Variants in MACROD2 observed in about 807,000 individuals in gnomAD.
The protein encoded by MACROD2 is ADP-ribose glycohydrolase MACROD2.
MACROD2 carries 36 observed loss-of-function variants against 70.4 expected under a neutral mutation model. The ratio of observed to expected loss-of-function variants is 0.51; its 90% CI spans 0.39 to 0.68. MACROD2 has a LOEUF of 0.68. Ranked by LOEUF, MACROD2 falls within the 30% of genes least tolerant of loss-of-function variation. The pLI is 0.00. For synonymous variants in MACROD2, 172 were observed against 178.8 expected (o/e 0.96, Z 0.30); for missense variants, 496 against 538.4 (o/e 0.92, Z 0.78).
intron 2 of MACROD2, among the ~76,000 whole-genome samples, chr20:14,025,737 A>G (rs1219125542): frequency 6.6e-6 from 1 of 152,082 alleles, no homozygotes; most frequent in Non-Finnish European, 1.5e-5. Flanking sequence ...ATTCTTTTGC[A>G]TTTGCTGAGG....
intron 8 of MACROD2, among the ~76,000 whole-genome samples, chr20:15,548,438 C>T (rs2048053227): frequency 6.6e-6 from 1 of 152,094 alleles, no homozygotes; most frequent in South Asian, 2.1e-4. Context: ...TCTGTCACCC[C>T]AGGCTGGAGT....
At chr20:14,524,013 A>G (rs2085200188) in intron 4 of MACROD2, among the ~76,000 whole-genome samples, 1 of 152,224 alleles carries the variant, frequency 6.6e-6, no homozygotes, top group African/African-American at 2.4e-5. Flanking sequence ...ACATAAAACC[A>G]TGAACTCTAA....
At chr20:14,785,594 C>T (rs2072359959) in intron 5 of MACROD2, among the ~76,000 whole-genome samples, 1 of 152,022 alleles carries the variant, frequency 6.6e-6, no homozygotes, top group African/African-American at 2.4e-5. Context: ...GATGCCCCAG[C>T]CCAAACAATG....
chr20:14,889,744 C>A (rs2073729241), intron 5 of MACROD2, among the ~76,000 whole-genome samples: 1 of 152,048 alleles, frequency 6.6e-6, no homozygotes, highest in South Asian at 2.1e-4. Flanking sequence ...TTATGTAGGG[C>A]CTTGGAGGCA....
intron 3 of MACROD2, among the ~76,000 whole-genome samples, chr20:14,206,592 T>C (rs1340505665): frequency 6.6e-6 from 1 of 152,202 alleles, no homozygotes; most frequent in African/African-American, 2.4e-5. Flanking sequence ...TTGTTTGATA[T>C]GTTTGTTAAA....
At chr20:15,791,087 T>C (rs2063620730) in intron 8 of MACROD2, among the ~76,000 whole-genome samples, 1 of 151,800 alleles carries the variant, frequency 6.6e-6, no homozygotes, top group Non-Finnish European at 1.5e-5. Flanking sequence ...TCTACTATTA[T>C]TTTTCTTTGT....
intron 5 of MACROD2, among the ~76,000 whole-genome samples, chr20:15,204,517 C>T (rs1442737905): frequency 6.6e-6 from 1 of 151,992 alleles, no homozygotes; most frequent in Non-Finnish European, 1.5e-5. Flanking sequence ...TGGTACCTGG[C>T]CTATTATAAT....
Position 14,652,204 on chromosome 20 carries a change from C to T in MACROD2, c.302-32639C>T, listed in dbSNP as rs79407155. On this transcript the variant is annotated intron_variant, in intron 4 of 17. Coordinates refer to ENST00000684519, the MANE Select transcript of MACROD2 (RefSeq NM_001351661.2). The stretch of plus-strand genomic sequence containing the variant: ...CAGTTGACTGTTGGGAATTCCTATT[C>T]AGAGATTTATCTTTTAACCCCAAAT... 1.5e-3 allele frequency among the ~76,000 whole-genome samples: 233 copies of T among 152,242 alleles called. 1 individual carries two copies. Among genetic ancestry groups the T allele is most frequent in the African/African-American group, 5.2e-3 (218 of 41,536 alleles).
At chr20:14,610,313 CTTAAG>C (rs998001805) in intron 4 of MACROD2, among the ~76,000 whole-genome samples, 1 of 152,026 alleles carries the variant, frequency 6.6e-6, no homozygotes, top group Non-Finnish European at 1.5e-5. Context: ...AATCTAAATT[CTTAAG>C]TTAAAGCATA....
intron 3 of MACROD2, among the ~76,000 whole-genome samples, chr20:14,322,190 A>ATATATATATATATATATATG (rs1419896739): frequency 3.1e-5 from 4 of 130,106 alleles, no homozygotes; most frequent in African/African-American, 1.1e-4. Flanking sequence ...ATATATATAT[A>ATATATATATATATATATATG]TATATATATA....
intron 3 of MACROD2, among the ~76,000 whole-genome samples, chr20:14,187,530 A>C (rs1197226557): frequency 6.6e-6 from 1 of 152,212 alleles, no homozygotes; most frequent in Non-Finnish European, 1.5e-5. Context: ...ATATCAGACT[A>C]TCATGAAGTA....
intron 2 of MACROD2, among the ~76,000 whole-genome samples, chr20:14,010,008 T>C (rs758411534): frequency 3.3e-5 from 5 of 152,196 alleles, no homozygotes; most frequent in Admixed American, 1.3e-4. Context: ...TCAGGAAGAA[T>C]AGCTAATGGA....
intron 6 of MACROD2, among the ~76,000 whole-genome samples, chr20:15,279,618 G>A (rs879840556): frequency 1.3e-5 from 2 of 152,140 alleles, no homozygotes; most frequent in Non-Finnish European, 1.5e-5. Context: ...TCCCAATCAT[G>A]ATAATACTTC....
At chr20:14,512,885 T>C (rs927183151) in intron 4 of MACROD2, among the ~76,000 whole-genome samples, 1 of 152,110 alleles carries the variant, frequency 6.6e-6, no homozygotes, top group Non-Finnish European at 1.5e-5. Context: ...CCTAAGTTGT[T>C]GTGCCATCTG....
intron 8 of MACROD2, among the ~76,000 whole-genome samples, chr20:15,693,495 C>A (rs182501892): frequency 6.6e-6 from 1 of 152,138 alleles, no homozygotes; most frequent in East Asian, 1.9e-4. Context: ...CCTCTACTTT[C>A]CCAGCTCACT....
At chr20:14,825,974 G>C (rs767574910) in intron 5 of MACROD2, among the ~76,000 whole-genome samples, 1 of 152,122 alleles carries the variant, frequency 6.6e-6, no homozygotes, top group Non-Finnish European at 1.5e-5. Context: ...TAAGGAGATA[G>C]GCTTTTATAA....
intron 5 of MACROD2, among the ~76,000 whole-genome samples, chr20:15,127,932 G>C (rs574803894): frequency 1.9e-4 from 29 of 152,136 alleles, no homozygotes; most frequent in African/African-American, 7.0e-4. Flanking sequence ...TATAAATTTA[G>C]ATGTTTATTA....
chr20:14,074,265 T>C (rs1362364295), intron 2 of MACROD2, among the ~76,000 whole-genome samples: 1 of 152,184 alleles, frequency 6.6e-6, no homozygotes, highest in East Asian at 1.9e-4. Context: ...CTGAATAATG[T>C]TTTTACTGCT....
intron 8 of MACROD2, among the ~76,000 whole-genome samples, chr20:15,822,747 C>A (rs1027851456): frequency 1.3e-5 from 2 of 152,078 alleles, no homozygotes; most frequent in Non-Finnish European, 2.9e-5. Context: ...ATGGAATATT[C>A]AATCTGGCCT....
Sources: allele counts gnomAD v4.1 joint callset (sites outside exome capture counted in the v4.1 genomes callset), GRCh38; gene constraint gnomAD v4.1.1; transcripts MANE v1.5; gene names NCBI Gene and HGNC (gene_info 2026-07-23, HGNC 2026-07-21).